The following PRKN variants were observed in gnomAD, a reference collection of about 807,000 sequenced individuals.
PRKN encodes E3 ubiquitin-protein ligase parkin.
PRKN carries 56 observed loss-of-function variants against 59.5 expected under a neutral mutation model. That is an observed-to-expected ratio of 0.94 (90% CI 0.76 to 1.18). PRKN has a LOEUF of 1.18. Ranked by LOEUF, PRKN falls within the 50% of genes most tolerant of loss-of-function variation. PRKN has a pLI of 0.00. For synonymous variants in PRKN, 250 were observed against 222.1 expected (o/e 1.13, Z -1.12); for missense variants, 657 against 596.4 (o/e 1.10, Z -1.06).
At chr6:162,238,417 A>G (rs76334160) in intron 3 of PRKN, among the ~76,000 whole-genome samples, 3,737 of 152,278 alleles carry the variant, frequency 0.025, 151 homozygotes, top group African/African-American at 0.086. Context: ...TGTTTTTCAG[A>G]AGTATGTTGT....
In PRKN at chr6:161,537,601, G is replaced by A. The variant is rs754291906; in HGVS notation, c.1083+11253C>T. 1.1e-4 allele frequency among the ~76,000 whole-genome samples: 17 copies of A among 152,018 alleles called. No homozygotes were observed. The South Asian group carries it at 1.2e-3, about 11-fold the overall frequency. ...GGAGTAGCTGGGACTACAGGCACCC[G>A]CCACCATGCTCGGCTAATTTTTTGT... On this transcript the variant is annotated intron_variant, in intron 9 of 11. Coordinates refer to ENST00000366898, the MANE Select transcript of PRKN (RefSeq NM_004562.3).
At chr6:162,041,391 T>C (rs1784064231) in intron 5 of PRKN, among the ~76,000 whole-genome samples, 1 of 152,164 alleles carries the variant, frequency 6.6e-6, no homozygotes, top group African/African-American at 2.4e-5. Context: ...GGCCATTCTC[T>C]TCAACATGTC....
intron 2 of PRKN, among the ~76,000 whole-genome samples, chr6:162,326,904 G>C (rs1783311387): frequency 6.6e-6 from 1 of 152,092 alleles, no homozygotes; most frequent in African/African-American, 2.4e-5. Context: ...AAAATCATGT[G>C]ACTACACAAT....
At chr6:162,111,906 G>A (rs1374375539) in intron 4 of PRKN, among the ~76,000 whole-genome samples, 5 of 152,150 alleles carry the variant, frequency 3.3e-5, no homozygotes, top group Admixed American at 6.5e-5. Flanking sequence ...TGAATCCAAA[G>A]TTTCGTTCCA....
Position 161,958,907 on chromosome 6 carries a change from A to G in PRKN, c.734+14395T>C, listed in dbSNP as rs76877809. On this transcript the variant is annotated intron_variant, in intron 6 of 11. Transcript: ENST00000366898. Reference sequence around the variant, plus strand: ...AAAAAAAAAAAATGAGAGAGAAAAAAGAAAAGAATGTGAGAGTGGTTAGTT... The same window carrying G: ...AAAAAAAAAAAATGAGAGAGAAAAAGGAAAAGAATGTGAGAGTGGTTAGTT... Among the ~76,000 whole-genome samples the G allele has an allele frequency of 3.6e-3, 545 of 152,200 alleles. 2 individuals are homozygous for G. The highest frequency in any genetic ancestry group is 0.012 in the African/African-American group (507 of 41,534).
intron 1 of PRKN, among the ~76,000 whole-genome samples, chr6:162,560,573 C>T (rs566421532): frequency 1.8e-4 from 28 of 152,186 alleles, no homozygotes; most frequent in African/African-American, 6.5e-4. Flanking sequence ...ATTTTTAATA[C>T]ATCCCATATA....
At position 161,362,629 on chromosome 6, in the gene PRKN, A is replaced by G. The variant is rs1301902631; in HGVS notation, c.1168-2424T>C. Among the ~76,000 whole-genome samples, 2 of 152,260 alleles carry G rather than the reference A, an allele frequency of 1.3e-5. No individual in the cohort carries two copies. ...CATTCCTAACCATCAGGCCTCGGAC[A>G]CGAGGGTTGGTGAAAAGAATTCATC... On this transcript the variant is annotated intron_variant, in intron 10 of 11. Transcript: ENST00000366898. This position sits in a 1 kb window ranked among gnomAD's most constrained non-coding sequence, Gnocchi z 5.2.
chr6:162,262,485 C>A, intron 3 of PRKN, 40 bp downstream of exon 3: 1 of 1,613,338 alleles, frequency 6.2e-7, no homozygotes. Context: ...ACTAAACAAA[C>A]AAACAAAATG....
intron 2 of PRKN, among the ~76,000 whole-genome samples, chr6:162,366,369 G>A (rs1785437637): frequency 6.6e-6 from 1 of 151,920 alleles, no homozygotes; most frequent in South Asian, 2.1e-4. Context: ...ATATCCAAAT[G>A]GGATTTATTA....
Position 162,210,689 on chromosome 6 carries a change from A to G in PRKN, c.413-9437T>C, listed in dbSNP as rs763389697. ...AATTGATTGAAATTTTTCTAGAATC[A>G]TATTTGTTTCTGTGAATCACTTTTT... On this transcript the variant is annotated intron_variant, in intron 3 of 11. Coordinates refer to ENST00000366898, the MANE Select transcript of PRKN (RefSeq NM_004562.3). Among the ~76,000 whole-genome samples, 11 of 152,286 alleles carry G rather than the reference A, an allele frequency of 7.2e-5. No individual in the cohort carries two copies. The East Asian group carries it at 1.7e-3, about 24-fold the overall frequency.
At chr6:161,649,331 T>C (rs1784071224) in intron 7 of PRKN, among the ~76,000 whole-genome samples, 1 of 152,172 alleles carries the variant, frequency 6.6e-6, no homozygotes, top group Non-Finnish European at 1.5e-5. Flanking sequence ...ACCAGGGCCA[T>C]TCAACTCATT....
chr6:162,398,213 A>G (rs2128148176), intron 2 of PRKN, among the ~76,000 whole-genome samples: 1 of 152,258 alleles, frequency 6.6e-6, no homozygotes. Context: ...AACATATAAA[A>G]GGCTTCTAGT....
intron 7 of PRKN, among the ~76,000 whole-genome samples, chr6:161,716,596 G>A (rs1274803365): frequency 1.3e-5 from 2 of 152,166 alleles, no homozygotes; most frequent in Non-Finnish European, 2.9e-5. Context: ...GGGATTTTAT[G>A]TGCAAGGTGT....
intron 4 of PRKN, among the ~76,000 whole-genome samples, chr6:162,060,573 C>T (rs1778060569): frequency 6.6e-6 from 1 of 152,184 alleles, no homozygotes; most frequent in Admixed American, 6.5e-5. Flanking sequence ...GCCATTTTGG[C>T]TATGTCTTTC....
At chr6:161,905,484 G>A (rs964236733) in intron 6 of PRKN, among the ~76,000 whole-genome samples, 28 of 152,172 alleles carry the variant, frequency 1.8e-4, no homozygotes, top group African/African-American at 6.3e-4. Flanking sequence ...GTTGACAGAA[G>A]CAACACAGGG....
intron 3 of PRKN, among the ~76,000 whole-genome samples, chr6:162,226,613 A>G (rs1186325293): frequency 6.6e-6 from 1 of 152,152 alleles, no homozygotes; most frequent in Non-Finnish European, 1.5e-5. Flanking sequence ...GGCTTACTGC[A>G]ATCTCCGCCT....
At chr6:162,208,799 A>G (rs1785067689) in intron 3 of PRKN, among the ~76,000 whole-genome samples, 1 of 152,158 alleles carries the variant, frequency 6.6e-6, no homozygotes, top group Non-Finnish European at 1.5e-5. Context: ...TGCTGCAGAT[A>G]ATGTGTCCAG....
intron 6 of PRKN, among the ~76,000 whole-genome samples, chr6:161,800,207 C>A (rs544256051): frequency 6.6e-6 from 1 of 152,114 alleles, no homozygotes; most frequent in Admixed American, 6.5e-5. Flanking sequence ...AAGAGAGTGC[C>A]GTGGATCAAG....
At chr6:161,730,706 T>C (rs1386165090) in intron 7 of PRKN, among the ~76,000 whole-genome samples, 1 of 152,166 alleles carries the variant, frequency 6.6e-6, no homozygotes, top group African/African-American at 2.4e-5. Flanking sequence ...GTATTCTTTC[T>C]GGTGTGTTGC....
Sources: allele counts gnomAD v4.1 joint callset (sites outside exome capture counted in the v4.1 genomes callset), GRCh38; gene constraint gnomAD v4.1.1; non-coding constraint Gnocchi (gnomAD v3.1); transcripts MANE v1.5; gene names NCBI Gene and HGNC (gene_info 2026-07-23, HGNC 2026-07-21).